The following PIK3R3 variants were observed in gnomAD, a reference collection of about 807,000 sequenced individuals.
PIK3R3 encodes phosphatidylinositol 3-kinase regulatory subunit gamma.
In PIK3R3, 64 loss-of-function variants were observed where a neutral mutation model predicts 62.9. The ratio of observed to expected loss-of-function variants is 1.02; its 90% CI spans 0.83 to 1.25. The LOEUF is 1.25. PIK3R3 is among the 50% of genes most tolerant of loss of function. The pLI is 0.00. For synonymous variants in PIK3R3, 165 were observed against 189.0 expected (o/e 0.87, Z 1.04); for missense variants, 614 against 561.6 (o/e 1.09, Z -0.94).
chr1:46,101,796 G>A (rs1652702500), intron 1 of PIK3R3, among the ~76,000 whole-genome samples: 1 of 152,052 alleles, frequency 6.6e-6, no homozygotes, highest in Admixed American at 6.6e-5. Flanking sequence ...GGAGAATGAG[G>A]GAGTTATTGC....
upstream of PIK3R3, among the ~76,000 whole-genome samples, chr1:46,137,598 T>C (rs142581348): frequency 3.9e-5 from 6 of 152,240 alleles, no homozygotes; most frequent in Admixed American, 2.0e-4. Context: ...TCTGATCTTA[T>C]ACATTGTGCT....
At chr1:46,131,530 A>G (rs923559054) in intron 1 of PIK3R3, among the ~76,000 whole-genome samples, 20 of 152,192 alleles carry the variant, frequency 1.3e-4, no homozygotes, top group African/African-American at 4.8e-4. Context: ...AAAATAAAAT[A>G]AAGTGGCGGG....
intron 1 of PIK3R3, among the ~76,000 whole-genome samples, chr1:46,095,297 G>C (rs1018884557): frequency 6.6e-6 from 1 of 152,202 alleles, no homozygotes; most frequent in African/African-American, 2.4e-5. Context: ...ATACTATGCA[G>C]CCATAAAAAG....
chr1:46,056,773 G>C (rs2149385957), intron 6 of PIK3R3: 1 of 152,312 alleles, frequency 6.6e-6, no homozygotes, highest in African/African-American at 2.4e-5. Context: ...TACAACATGA[G>C]AGAGAATCCC....
chr1:46,164,710 C>T, the PIK3R3 span, among the ~76,000 whole-genome samples: 1 of 152,174 alleles, frequency 6.6e-6, no homozygotes, highest in Non-Finnish European at 1.5e-5. Context: ...CCTTTCTAAC[C>T]TCGTCTCTTT....
chr1:46,132,125 T>C lies in PIK3R3; in HGVS notation c.-173A>G, dbSNP rs1655666682. On this transcript the variant is annotated 5_prime_UTR_variant, in exon 1 of 10. Transcript: ENST00000262741. ...CTACCCGAACAGGGTCCTCCCCCTC[T>C]CTCCTACAGAACACAACAAAATGCC... 3 of 1,401,552 alleles carry C rather than the reference T, an allele frequency of 2.1e-6. No homozygotes were observed. The South Asian group carries it at 4.6e-5, about 22-fold the overall frequency. The allele number at this position is 1,401,552 out of a possible 1,614,324, so 86.8% of individuals were successfully genotyped here.
chr1:46,112,026 ACTT>A (rs1171969342), intron 1 of PIK3R3, among the ~76,000 whole-genome samples: 8 of 152,074 alleles, frequency 5.3e-5, no homozygotes, highest in Non-Finnish European at 1.2e-4. Context: ...CTATATATTC[ACTT>A]CTTATTTATT....
At chr1:46,080,832 G>A (rs905884859) in intron 1 of PIK3R3, 82 bp from the exon 2 acceptor site, 1 of 812,154 alleles carries the variant, frequency 1.2e-6, no homozygotes, top group African/African-American at 1.7e-5. Flanking sequence ...CACTAACCAA[G>A]GTATGTTAAG....
At chr1:46,143,075 T>C in the PIK3R3 span, among the ~76,000 whole-genome samples, 3 of 152,236 alleles carry the variant, frequency 2.0e-5, no homozygotes, top group Non-Finnish European at 4.4e-5. Flanking sequence ...GTAACCAGCA[T>C]GTCTCCACCC....
At chr1:46,110,810 T>C (rs1653675775) in intron 1 of PIK3R3, among the ~76,000 whole-genome samples, 1 of 150,788 alleles carries the variant, frequency 6.6e-6, no homozygotes, top group African/African-American at 2.4e-5. Flanking sequence ...GGAATTTTAC[T>C]GAGACACAAA....
chr1:46,055,998 C>G (rs1571368693), intron 6 of PIK3R3, 27 bp from the exon 7 acceptor site: 1 of 1,495,418 alleles, frequency 6.7e-7, no homozygotes, highest in Non-Finnish European at 9.1e-7. Flanking sequence ...CATGTTAAGG[C>G]TAAAATAGAA....
chr1:46,053,283 T>A (rs954873323), intron 7 of PIK3R3, among the ~76,000 whole-genome samples: 1 of 152,202 alleles, frequency 6.6e-6, no homozygotes, highest in African/African-American at 2.4e-5. Flanking sequence ...TTCTGTGGTT[T>A]TTTTTGGTGT....
At chr1:46,087,064 C>A (rs1651129056) in intron 1 of PIK3R3, among the ~76,000 whole-genome samples, 2 of 152,090 alleles carry the variant, frequency 1.3e-5, no homozygotes, top group Admixed American at 1.3e-4. Flanking sequence ...GGGAACTGAA[C>A]AATGAGAATA....
chr1:46,088,485 A>G (rs554575944), intron 1 of PIK3R3, among the ~76,000 whole-genome samples: 46 of 152,240 alleles, frequency 3.0e-4, no homozygotes, highest in African/African-American at 1.0e-3. Context: ...AACAAGATCT[A>G]TATCAAAGTA....
chr1:46,123,106 T>C (rs1419643423), intron 1 of PIK3R3, among the ~76,000 whole-genome samples: 3 of 151,116 alleles, frequency 2.0e-5, no homozygotes, highest in Non-Finnish European at 3.0e-5. Flanking sequence ...ATGAAGGAAA[T>C]ACAACAGCCT....
chr1:46,111,890 G>A (rs1270485243), intron 1 of PIK3R3, among the ~76,000 whole-genome samples: 2 of 152,118 alleles, frequency 1.3e-5, no homozygotes, highest in Non-Finnish European at 1.5e-5. Flanking sequence ...CAAAAAGAAA[G>A]TTAAGTCACC....
intron 1 of PIK3R3, among the ~76,000 whole-genome samples, chr1:46,122,198 G>C (rs1474922828): frequency 6.6e-6 from 1 of 152,080 alleles, no homozygotes; most frequent in East Asian, 1.9e-4. Context: ...ACATATATGG[G>C]CAAGCAATGT....
intron 5 of PIK3R3, among the ~76,000 whole-genome samples, chr1:46,064,520 G>A (rs574397154): frequency 1.3e-5 from 2 of 152,224 alleles, no homozygotes; most frequent in Non-Finnish European, 2.9e-5. Flanking sequence ...CAGCCTGGGC[G>A]ACAGAGCAAG....
chr1:46,158,413 C>T, the PIK3R3 span, among the ~76,000 whole-genome samples: 1 of 152,208 alleles, frequency 6.6e-6, no homozygotes, highest in African/African-American at 2.4e-5. Flanking sequence ...CTGGAATGCC[C>T]TCTCCACTTC....
Sources: allele counts gnomAD v4.1 joint callset (sites outside exome capture counted in the v4.1 genomes callset), GRCh38; gene constraint gnomAD v4.1.1; transcripts MANE v1.5; gene names NCBI Gene and HGNC (gene_info 2026-07-23, HGNC 2026-07-21).